The following ZCWPW1 variants were observed in gnomAD, a reference collection of about 807,000 sequenced individuals.
ZCWPW1 encodes the protein zinc finger CW-type and PWWP domain containing 1, also known as zinc finger CW-type PWWP domain protein 1.
ZCWPW1 carries 56 observed loss-of-function variants against 81.3 expected under a neutral mutation model. That is an observed-to-expected ratio of 0.69 (90% confidence interval 0.56 to 0.86). ZCWPW1 has a LOEUF of 0.86. Among genes scored for constraint, ZCWPW1 ranks in the 40% least tolerant of loss-of-function variants. The probability of loss-of-function intolerance (pLI) is 0.00; values close to 1 mark genes in which losing one functional copy is unlikely to be tolerated. For missense variants in ZCWPW1, 650 were observed against 769.8 expected, an observed-to-expected ratio of 0.84 and a Z score of 1.84; for synonymous variants, 250 against 273.7, an observed-to-expected ratio of 0.91 and a Z score of 0.86.
chr7:100,422,266 A>T (rs1176575645), intron 2 of ZCWPW1, among the ~76,000 whole-genome samples: 1 of 152,224 alleles, frequency 6.6e-6, no homozygotes, highest in Non-Finnish European at 1.5e-5. Context: ...CTAACAGTCT[A>T]ATTCAGTGCT....
In ZCWPW1 at chr7:100,419,187, T is replaced by C; in HGVS notation, c.285A>G (p.Glu95=). ...ATTCTGCATTGGTAAGACTTGATTT[T>C]TCCTGCAGAGACAAGGGTAGGGGAG... ...INKQAEKKEK[E]KSSLTNAEFE... The change falls in exon 5 of 18, where the codon GAA becomes GAG. Residue 95 remains glutamate (E), a splice_region_variant and synonymous_variant. Coordinates refer to ENST00000684423, the MANE Select transcript of ZCWPW1 (RefSeq NM_001386010.1). The C allele has an allele frequency of 1.9e-6, 3 of 1,612,924 alleles. No homozygotes were observed. The highest frequency in any genetic ancestry group is 2.5e-6 in the Non-Finnish European group (3 of 1,179,520).
chr7:100,414,893 C>T (rs1304926666), intron 8 of ZCWPW1, among the ~76,000 whole-genome samples: 2 of 151,438 alleles, frequency 1.3e-5, no homozygotes, highest in East Asian at 2.0e-4. Context: ...GGCGTGGTGG[C>T]GCATGCCTGT....
chr7:100,406,773 C>T lies in ZCWPW1; in HGVS notation c.1094G>A (p.Gly365Glu). 1 of 1,614,108 alleles carries T rather than the reference C, an allele frequency of 6.2e-7. No individual in the cohort carries two copies. The highest frequency in any genetic ancestry group is 8.5e-7 in the Non-Finnish European group (1 of 1,179,996). ...GATCCATGCACGAGAAACTGTTTCT[C>T]CAAAAAACGTCACATGGTACTTAGA... The part of the protein sequence containing the change: ...LPSKYHVTFF[G>E]ETVSRAWIPV... The change falls in exon 12 of 18, where the codon GGA becomes GAA. Residue 365 changes from glycine (G) to glutamate (E), a missense_variant. Transcript: ENST00000684423.
intron 2 of ZCWPW1, among the ~76,000 whole-genome samples, chr7:100,422,963 G>GA (rs1189198303): frequency 6.6e-6 from 1 of 152,198 alleles, no homozygotes; most frequent in Non-Finnish European, 1.5e-5. Context: ...GCTTTCTGAA[G>GA]AAAAGTTTTA....
At chr7:100,423,656 C>G (rs1002711055) in intron 2 of ZCWPW1, among the ~76,000 whole-genome samples, 9 of 152,148 alleles carry the variant, frequency 5.9e-5, no homozygotes, top group African/African-American at 2.2e-4. Flanking sequence ...TCCATTTTAA[C>G]TCATCATCAC....
In ZCWPW1 at chr7:100,401,315, G is replaced by A; in HGVS notation, c.1649C>T (p.Ala550Val). Residue 550 changes from alanine (A) to valine (V), a missense_variant, in exon 18 of 18, where the codon GCT becomes GTT. Physicochemically the swap from Ala to Val is moderately conservative, Grantham distance 64. Coordinates refer to ENST00000684423, the MANE Select transcript of ZCWPW1 (RefSeq NM_001386010.1). ...GGCTGCCAAGGCCTTGCTCTGGGGA[G>A]CTTTAAATTTTTTCTTAGGGCCTAA... ...DQPGPKKKFK[A>V]PQSKALAASF... is the part of the protein sequence containing the mutation. The A allele has an allele frequency of 6.4e-7, 1 of 1,556,678 alleles. No individual in the cohort carries two copies. The highest frequency in any genetic ancestry group is 8.7e-7 in the Non-Finnish European group (1 of 1,154,748).
chr7:100,412,783 A>T (rs1794457583), intron 8 of ZCWPW1, among the ~76,000 whole-genome samples: 1 of 151,984 alleles, frequency 6.6e-6, no homozygotes, highest in Non-Finnish European at 1.5e-5. Context: ...GGGTTTCACC[A>T]TGTTAGCCAG....
rs6465770 is a variant in ZCWPW1, at chr7:100,417,088, T to C, written c.457A>G (p.Thr153Ala). The change falls in exon 6 of 18, where the codon ACT becomes GCT. Residue 153 changes from threonine (T) to alanine (A), a missense_variant. Coordinates refer to ENST00000684423, the MANE Select transcript of ZCWPW1 (RefSeq NM_001386010.1). ...TACCCATTAGCATTATCAGTATCAG[T>C]AGCAGAAGCAGTAATTCCTGGCTCC... The part of the protein sequence containing the change: ...DKEPGITASA[T>A]DTDNANGEEV... 90,182 of 1,613,816 alleles carry C rather than the reference T, an allele frequency of 0.056. 2,905 individuals carry two copies. The highest frequency in any genetic ancestry group is 0.065 in the Non-Finnish European group (76,876 of 1,179,730).
intron 5 of ZCWPW1, 22 bp from the exon 6 acceptor site, chr7:100,417,205 A>C (rs1279170177): frequency 1.9e-6 from 3 of 1,594,126 alleles, no homozygotes; most frequent in African/African-American, 1.3e-5. Context: ...AAATACTATA[A>C]GCAGAGAAGC....
chr7:100,411,880 T>C (rs1022467025), intron 8 of ZCWPW1, among the ~76,000 whole-genome samples: 2 of 152,182 alleles, frequency 1.3e-5, no homozygotes, highest in African/African-American at 4.8e-5. Flanking sequence ...AAAGTTCAAG[T>C]AACCTAAAGG....
intron 8 of ZCWPW1, among the ~76,000 whole-genome samples, chr7:100,411,031 A>C (rs1477669213): frequency 6.6e-6 from 1 of 152,240 alleles, no homozygotes; most frequent in Non-Finnish European, 1.5e-5. Context: ...CAAGCAATTG[A>C]GTTGACAGAG....
rs1457645755 is a variant in ZCWPW1, at chr7:100,401,993, T to G, written c.1523A>C (p.Gln508Pro). The change falls in exon 17 of 18, where the codon CAG (glutamine) becomes CCG (proline). Residue 508 changes from glutamine (Q) to proline (P), a missense_variant. Physicochemically the swap from Gln to Pro is moderately conservative, Grantham distance 76. Coordinates refer to ENST00000684423, the MANE Select transcript of ZCWPW1 (RefSeq NM_001386010.1). ...GTADGRGRTL[Q>P]RKIMKRSLGR... ...TAGAGATCTCTTCATTATCTTCCTCTGCAGTGTCCTGCCTCGGCCATCTGC... is the reference window on the plus strand; with the variant it reads ...TAGAGATCTCTTCATTATCTTCCTCGGCAGTGTCCTGCCTCGGCCATCTGC... The G allele has an allele frequency of 9.3e-6, 15 of 1,614,052 alleles. No homozygotes were observed. The highest frequency in any genetic ancestry group is 1.2e-5 in the Non-Finnish European group (14 of 1,180,044).
intron 11 of ZCWPW1, 51 bp from the exon 12 acceptor site, chr7:100,406,849 TCTC>T (rs1481481441): frequency 6.5e-7 from 1 of 1,531,846 alleles, no homozygotes; most frequent in Non-Finnish European, 9.0e-7. Flanking sequence ...TCCCTGCTTT[TCTC>T]CTCTAGCCAG....
At chr7:100,420,699 A>G (rs369123768) in intron 2 of ZCWPW1, 21 bp from the exon 3 acceptor site, 4 of 1,604,860 alleles carry the variant, frequency 2.5e-6, no homozygotes, top group South Asian at 1.1e-5. Flanking sequence ...AAAGAAATTA[A>G]CTGCTATGAC....
Position 100,419,826 on chromosome 7 carries a change from A to G in ZCWPW1, c.86T>C (p.Leu29Pro). The G allele has an allele frequency of 6.2e-7, 1 of 1,600,926 alleles. No individual in the cohort carries two copies. The highest frequency in any genetic ancestry group is 1.1e-5 in the South Asian group (1 of 88,374). The change falls in exon 4 of 18, where the codon CTG becomes CCG. Residue 29 changes from leucine (L) to proline (P), a missense_variant. Coordinates refer to ENST00000684423, the MANE Select transcript of ZCWPW1 (RefSeq NM_001386010.1). ...AGGGGAGTTAGGGCTACAAGGTAACAGGCTGTAAGATTTTTGTGCAGGTGG... is the reference window on the plus strand; with the variant it reads ...AGGGGAGTTAGGGCTACAAGGTAACGGGCTGTAAGATTTTTGTGCAGGTGG... The part of the protein sequence containing the change: ...FAPPAQKSYS[L>P]LPCSPNSPKE...
intron 8 of ZCWPW1, among the ~76,000 whole-genome samples, chr7:100,413,679 G>C (rs1298670686): frequency 1.3e-5 from 2 of 152,208 alleles, no homozygotes; most frequent in African/African-American, 4.8e-5. Context: ...CACCTAGAGG[G>C]TGAACCCTCA....
chr7:100,424,556 G>C (rs1796961539), intron 2 of ZCWPW1, among the ~76,000 whole-genome samples: 1 of 152,124 alleles, frequency 6.6e-6, no homozygotes, highest in South Asian at 2.1e-4. Context: ...CTGCCTCCCA[G>C]GTTCAAGCGA....
At chr7:100,406,122 G>C (rs1013201413) in intron 12 of ZCWPW1, among the ~76,000 whole-genome samples, 5 of 152,314 alleles carry the variant, frequency 3.3e-5, no homozygotes, top group Admixed American at 1.3e-4. Flanking sequence ...TCAATTGCAA[G>C]GCTGGTCAAA....
chr7:100,428,240 T>G (rs1290647841), intron 1 of ZCWPW1, among the ~76,000 whole-genome samples: 2 of 151,726 alleles, frequency 1.3e-5, no homozygotes, highest in Non-Finnish European at 2.9e-5. Flanking sequence ...TCAACCCAGG[T>G]TTCCCGCCAC....
Sources: allele counts gnomAD v4.1 joint callset (sites outside exome capture counted in the v4.1 genomes callset), GRCh38; gene constraint gnomAD v4.1.1; transcripts MANE v1.5; gene names NCBI Gene and HGNC (gene_info 2026-07-23, HGNC 2026-07-21).